LMBRD1: variants seen among roughly 807,000 people sequenced by gnomAD.
LMBRD1 encodes the protein LMBR1 domain containing 1.
In LMBRD1, 64 loss-of-function variants were observed where a neutral mutation model predicts 74.8. The ratio of observed to expected loss-of-function variants is 0.86; its 90% CI spans 0.70 to 1.05. The LOEUF is 1.05. Among genes scored for constraint, LMBRD1 ranks in the 50% least tolerant of loss-of-function variants. The pLI, the probability that LMBRD1 is intolerant of heterozygous loss-of-function variation, is 0.00. For synonymous variants in LMBRD1, 204 were observed against 216.3 expected (o/e 0.94, Z 0.50); for missense variants, 652 against 645.9 (o/e 1.01, Z -0.10).
chr6:69,732,509 CTGT>C (rs1766880423), intron 7 of LMBRD1, among the ~76,000 whole-genome samples: 2 of 152,068 alleles, frequency 1.3e-5, no homozygotes, highest in African/African-American at 4.8e-5. Flanking sequence ...TATGGTACAT[CTGT>C]TATACTGACC....
At chr6:69,782,491 T>TA (rs1224522901) in intron 2 of LMBRD1, among the ~76,000 whole-genome samples, 5 of 152,312 alleles carry the variant, frequency 3.3e-5, no homozygotes, top group Middle Eastern at 6.8e-3. Context: ...CCCAGCACTC[T>TA]AGAAGGCTGA....
intron 14 of LMBRD1, among the ~76,000 whole-genome samples, chr6:69,679,575 T>C (rs1422914417): frequency 6.6e-6 from 1 of 152,156 alleles, no homozygotes; most frequent in African/African-American, 2.4e-5. Context: ...TAGCCCATTT[T>C]CTAATTTTTA....
chr6:69,676,561 A>T lies in LMBRD1; in HGVS notation c.1418-20T>A, dbSNP rs758519179. 4 of 1,553,818 alleles carry T rather than the reference A, an allele frequency of 2.6e-6. No homozygotes were observed. The highest frequency in any genetic ancestry group is 2.7e-6 in the Non-Finnish European group (3 of 1,125,796). ...ACTGATCTGTGAAAGCAAATAAAAG[A>T]CTATGGTGAGATAGGTTCTTTCATA... On this transcript the variant is annotated intron_variant, in intron 14 of 15. Transcript: ENST00000649934.
intron 2 of LMBRD1, among the ~76,000 whole-genome samples, chr6:69,784,309 A>G (rs190548513): frequency 6.6e-6 from 1 of 152,340 alleles, no homozygotes; most frequent in Non-Finnish European, 1.5e-5. Context: ...ACAGAACAAG[A>G]ATGTAATTGG....
intron 14 of LMBRD1, among the ~76,000 whole-genome samples, chr6:69,683,222 AG>A (rs1357036114): frequency 6.6e-6 from 1 of 152,024 alleles, no homozygotes; most frequent in African/African-American, 2.4e-5. Context: ...GATTGACAAT[AG>A]ACATAATACA....
At chr6:69,740,150 T>C (rs1408895573) in intron 6 of LMBRD1, among the ~76,000 whole-genome samples, 1 of 152,150 alleles carries the variant, frequency 6.6e-6, no homozygotes. Context: ...ATACCCTTGA[T>C]GCCTGAAAAA....
At chr6:69,725,611 G>C (rs1353690297) in intron 7 of LMBRD1, among the ~76,000 whole-genome samples, 2 of 152,040 alleles carry the variant, frequency 1.3e-5, no homozygotes, top group Non-Finnish European at 2.9e-5. Flanking sequence ...TCTTGACAAA[G>C]GTGCCAAGAA....
intron 7 of LMBRD1, among the ~76,000 whole-genome samples, chr6:69,735,473 A>C (rs1389830665): frequency 3.3e-5 from 5 of 151,888 alleles, no homozygotes; most frequent in Non-Finnish European, 4.4e-5. Context: ...TTATTTGAGG[A>C]CCTGCTGTAT....
intron 3 of LMBRD1, among the ~76,000 whole-genome samples, chr6:69,779,612 A>G (rs1234686763): frequency 1.3e-5 from 2 of 152,138 alleles, no homozygotes; most frequent in Non-Finnish European, 2.9e-5. Context: ...TTTAAAATCA[A>G]AAAAACAGGA....
chr6:69,752,299 TAGA>T lies in LMBRD1; in HGVS notation c.362_364del (p.Phe121del). On this transcript the variant is annotated inframe_deletion, in exon 4 of 16. Coordinates refer to ENST00000649934, the MANE Select transcript of LMBRD1 (RefSeq NM_018368.4). The stretch of plus-strand genomic sequence containing the variant: ...ATCATCATCATCCTTTTCTTCATAA[TAGA>T]AGTAGACAAAAGGGATCCAGAAGAA... 1 of 1,610,544 alleles carries T rather than the reference TAGA, an allele frequency of 6.2e-7. No individual in the cohort carries two copies. Among genetic ancestry groups the T allele is most frequent in the Non-Finnish European group, 8.5e-7 (1 of 1,177,264 alleles).
intron 1 of LMBRD1, chr6:69,790,743 G>A (rs978652306): frequency 1.6e-5 from 7 of 433,526 alleles, no homozygotes; most frequent in Non-Finnish European, 2.6e-5. Context: ...CAGTGCAAAC[G>A]TTAATGGTTT....
chr6:69,702,294 C>G (rs1766150925), intron 9 of LMBRD1, among the ~76,000 whole-genome samples: 1 of 151,786 alleles, frequency 6.6e-6, no homozygotes, highest in Admixed American at 6.6e-5. Context: ...CAGACACACA[C>G]ACACACACAC....
Position 69,790,337 on chromosome 6 carries a change from A to T in LMBRD1, c.205T>A (p.Phe69Ile), listed in dbSNP as rs1267294013. ...TGATTTTTCATGTAAGAAACCAAAA[A>T]TATATCCACTGGTAGAAGTGCTGAT... ...ITSALLPVDI[F>I]LVSYMKNQNG... The change falls in exon 2 of 16, where the codon TTT becomes ATT. Residue 69 changes from phenylalanine (F) to isoleucine (I), a missense_variant. Coordinates refer to ENST00000649934, the MANE Select transcript of LMBRD1 (RefSeq NM_018368.4). 1 of 1,613,420 alleles carries T rather than the reference A, an allele frequency of 6.2e-7. No individual in the cohort carries two copies. The highest frequency in any genetic ancestry group is 8.5e-7 in the Non-Finnish European group (1 of 1,179,406).
rs565975309 is a variant in LMBRD1 at position 69,774,782 on chromosome 6, C to T, written c.307+5712G>A. On this transcript the variant is annotated intron_variant, in intron 3 of 15. Coordinates refer to ENST00000649934, the MANE Select transcript of LMBRD1 (RefSeq NM_018368.4). ...CAAAACTCAGAACTCAAAACTCACA[C>T]GAGGGCAGTTTTATAAAAGAAAAGA... Among the ~76,000 whole-genome samples, 17 of 151,926 alleles carry T rather than the reference C, an allele frequency of 1.1e-4. No homozygotes were observed. The East Asian group carries it at 1.2e-3, about 10-fold the overall frequency.
chr6:69,711,902 T>C (rs62408989), intron 9 of LMBRD1, among the ~76,000 whole-genome samples: 14,623 of 152,106 alleles, frequency 0.096, 901 homozygotes, highest in Non-Finnish European at 0.14. Context: ...ACTTGCGTCA[T>C]GGGGGTTGTT....
intron 3 of LMBRD1, among the ~76,000 whole-genome samples, chr6:69,778,612 C>T (rs1765755222): frequency 6.6e-6 from 1 of 152,124 alleles, no homozygotes; most frequent in African/African-American, 2.4e-5. Context: ...AATCACTACA[C>T]TTTAGTGTCA....
At chr6:69,741,680 C>A in intron 6 of LMBRD1, 109 bp downstream of exon 6, 1 of 697,676 alleles carries the variant, frequency 1.4e-6, no homozygotes, top group Non-Finnish European at 2.5e-6. Flanking sequence ...TGAGCCACCA[C>A]GCCCAGCTGG....
At chr6:69,772,602 A>G (rs1765598490) in intron 3 of LMBRD1, among the ~76,000 whole-genome samples, 3 of 152,132 alleles carry the variant, frequency 2.0e-5, no homozygotes, top group Admixed American at 1.3e-4. Flanking sequence ...AACAGAAACC[A>G]CTTAGAAAAC....
chr6:69,705,890 C>T, intron 9 of LMBRD1: 1 of 1,343,212 alleles, frequency 7.4e-7, no homozygotes, highest in Non-Finnish European at 1.1e-6. Flanking sequence ...ATTTCAAAGC[C>T]CCTAAGGAAA....
Sources: gnomAD v4.1 joint callset for allele counts (sites outside exome capture counted in the v4.1 genomes callset) on GRCh38, gnomAD v4.1.1 for gene constraint, MANE v1.5 for transcripts, NCBI Gene and HGNC (gene_info 2026-07-23, HGNC 2026-07-21) for gene names.